Variants in SLC14A2 observed in about 807,000 individuals in gnomAD.
SLC14A2 encodes the protein solute carrier family 14 member 2, also known as urea transporter 2.
Under a neutral mutation model 104.6 loss-of-function variants are expected in SLC14A2, and 91 were observed. That is an observed-to-expected ratio of 0.87 (90% CI 0.73 to 1.04). The LOEUF is 1.04. Among genes scored for constraint, SLC14A2 ranks in the 50% least tolerant of loss-of-function variants. The pLI is 0.00. For missense variants in SLC14A2, 1,189 were observed against 1,156.0 expected, an observed-to-expected ratio of 1.03 and a Z score of -0.41; for synonymous variants, 476 against 466.4, an observed-to-expected ratio of 1.02 and a Z score of -0.27.
chr18:45,590,933 C>T (rs549061349), intron 2 of SLC14A2, among the ~76,000 whole-genome samples: 19 of 152,356 alleles, frequency 1.2e-4, no homozygotes, highest in Non-Finnish European at 1.6e-4. Flanking sequence ...CGCCCAATGT[C>T]TCACAACAGA....
intron 1 of SLC14A2, among the ~76,000 whole-genome samples, chr18:45,446,672 T>A (rs2086775338): frequency 6.6e-6 from 1 of 152,218 alleles, no homozygotes; most frequent in Non-Finnish European, 1.5e-5. Flanking sequence ...ATGTCCACTT[T>A]AAAGGACACA....
intron 1 of SLC14A2, among the ~76,000 whole-genome samples, chr18:45,425,219 C>A (rs559608706): frequency 4.1e-4 from 62 of 152,306 alleles, no homozygotes; most frequent in Middle Eastern, 6.8e-3. Context: ...CAAATGCTGA[C>A]CCTCCATAGC....
chr18:45,542,055 T>G (rs1375366574), intron 2 of SLC14A2, among the ~76,000 whole-genome samples: 5 of 140,756 alleles, frequency 3.6e-5, no homozygotes, highest in African/African-American at 7.9e-5. Flanking sequence ...TTTTTTTTTT[T>G]TTTTTTTTTT....
At chr18:45,212,953 C>T (rs2083974205), upstream of SLC14A2, 1 of 152,452 alleles carries the variant, frequency 6.6e-6, no homozygotes, top group East Asian at 1.9e-4. Flanking sequence ...TCCATAGTGC[C>T]TCCTTAGGCT....
At chr18:45,273,290 A>T (rs1365341585) in intron 1 of SLC14A2, among the ~76,000 whole-genome samples, 1 of 152,144 alleles carries the variant, frequency 6.6e-6, no homozygotes, top group Non-Finnish European at 1.5e-5. Flanking sequence ...ATTTTCTCAA[A>T]ATAGTCCCAG....
intron 1 of SLC14A2, among the ~76,000 whole-genome samples, chr18:45,443,184 T>G (rs1237674448): frequency 6.6e-6 from 1 of 152,170 alleles, no homozygotes; most frequent in African/African-American, 2.4e-5. Flanking sequence ...TTCTGAAGAT[T>G]CACTGAAAAT....
At chr18:45,337,596 A>G (rs972788456) in intron 1 of SLC14A2, among the ~76,000 whole-genome samples, 1 of 152,208 alleles carries the variant, frequency 6.6e-6, no homozygotes, top group African/African-American at 2.4e-5. Context: ...CAAGTGGGAC[A>G]TGCCTCATTA....
chr18:45,494,931 C>CACAT (rs1332735908), intron 2 of SLC14A2, among the ~76,000 whole-genome samples: 2 of 151,292 alleles, frequency 1.3e-5, no homozygotes, highest in Non-Finnish European at 2.9e-5. Context: ...CACACACACA[C>CACAT]ACACACACAT....
At chr18:45,285,670 C>CA (rs1568135395) in intron 1 of SLC14A2, among the ~76,000 whole-genome samples, 4 of 147,858 alleles carry the variant, frequency 2.7e-5, no homozygotes, top group South Asian at 2.2e-4. Context: ...TGCCCCCCCC[C>CA]CCCCTCGGCC....
At chr18:45,301,530 G>A (rs1346461922) in intron 1 of SLC14A2, among the ~76,000 whole-genome samples, 1 of 152,126 alleles carries the variant, frequency 6.6e-6, no homozygotes, top group Non-Finnish European at 1.5e-5. Flanking sequence ...TGCCATAGAT[G>A]GTGTAACTGA....
At chr18:45,664,934 T>C (rs761904603) in intron 11 of SLC14A2, among the ~76,000 whole-genome samples, 3 of 152,050 alleles carry the variant, frequency 2.0e-5, no homozygotes, top group African/African-American at 7.2e-5. Flanking sequence ...GGGGCTGTGG[T>C]TGGGGAGAGC....
rs997085212 is a variant in SLC14A2 at position 45,531,213 on chromosome 18, C to A, written c.-35+47891C>A. ...GATTTATAATCCTTTGGGTATATAC[C>A]CAGTAATGGGATGGCTGGGTCAAAT... On this transcript the variant is annotated intron_variant, in intron 2 of 20. Transcript: ENST00000586448. Among the ~76,000 whole-genome samples, 7 of 152,138 alleles carry A rather than the reference C, an allele frequency of 4.6e-5. No individual in the cohort carries two copies. In the South Asian group the frequency reaches 6.2e-4, roughly 14 times the overall value.
intron 2 of SLC14A2, among the ~76,000 whole-genome samples, chr18:45,532,846 G>A (rs537161032): frequency 6.6e-6 from 1 of 152,228 alleles, no homozygotes; most frequent in Non-Finnish European, 1.5e-5. Context: ...GTCATAGATA[G>A]CTCATATTAT....
At chr18:45,399,482 G>A (rs1461888867) in intron 1 of SLC14A2, among the ~76,000 whole-genome samples, 1 of 152,170 alleles carries the variant, frequency 6.6e-6, no homozygotes, top group Non-Finnish European at 1.5e-5. Flanking sequence ...TATTCTGGAT[G>A]TAGGCAGTCT....
the SLC14A2 span, among the ~76,000 whole-genome samples, chr18:45,177,301 T>A: frequency 3.9e-5 from 6 of 152,284 alleles, no homozygotes; most frequent in African/African-American, 1.4e-4. Flanking sequence ...TTCTCACCAA[T>A]CAGGTTGATC....
intron 1 of SLC14A2, among the ~76,000 whole-genome samples, chr18:45,373,981 T>A (rs2085748788): frequency 1.3e-5 from 2 of 152,232 alleles, no homozygotes; most frequent in African/African-American, 4.8e-5. Context: ...GAACACATTG[T>A]GGATTGTGCC....
chr18:45,596,341 G>A (rs954523359), intron 2 of SLC14A2, among the ~76,000 whole-genome samples: 1 of 152,254 alleles, frequency 6.6e-6, no homozygotes, highest in Non-Finnish European at 1.5e-5. Context: ...GGCATGCGCA[G>A]CTAGAACACG....
At chr18:45,320,291 G>T (rs1481899485) in intron 1 of SLC14A2, among the ~76,000 whole-genome samples, 1 of 152,106 alleles carries the variant, frequency 6.6e-6, no homozygotes, top group East Asian at 1.9e-4. Flanking sequence ...TTTTCTAAAA[G>T]GTTTGAGTTT....
In SLC14A2 at chr18:45,235,839, A is replaced by ATGTG. The variant is rs2084222517; in HGVS notation, c.-125+22649_-125+22650insGTGT. On this transcript the variant is annotated intron_variant, in intron 1 of 20. Transcript: ENST00000586448. ...TATATATATATATATATACGTGTAT[A>ATGTG]TATATATGTATATATACATATATGT... Among the ~76,000 whole-genome samples the ATGTG allele has an allele frequency of 4.5e-5, 4 of 88,152 alleles. 1 individual carries two copies. Among genetic ancestry groups the ATGTG allele is most frequent in the African/African-American group, 1.3e-4 (3 of 22,372 alleles). 57.8% of individuals were successfully genotyped at this position (88,152 alleles called of 152,430 possible).
Sources: allele counts gnomAD v4.1 joint callset (sites outside exome capture counted in the v4.1 genomes callset), GRCh38; gene constraint gnomAD v4.1.1; transcripts MANE v1.5; gene names NCBI Gene and HGNC (gene_info 2026-07-23, HGNC 2026-07-21).